ABCB7: variants seen among roughly 807,000 people sequenced by gnomAD.
ABCB7 encodes the protein ATP binding cassette subfamily B member 7, also known as iron-sulfur clusters transporter ABCB7, mitochondrial.
In ABCB7, 7 loss-of-function variants were observed where a neutral mutation model predicts 54.4. The ratio of observed to expected loss-of-function variants is 0.13; its 90% confidence interval spans 0.07 to 0.24. The LOEUF is 0.24. Among genes scored for constraint, ABCB7 ranks in the 10% least tolerant of loss-of-function variants. ABCB7 has a pLI of 1.00. For missense variants in ABCB7, 356 were observed against 570.4 expected (o/e 0.62, Z 3.83); for synonymous variants, 218 against 207.1 (o/e 1.05, Z -0.45).
At chrX:75,154,885 G>A (rs1004242632) in intron 1 of ABCB7, among the ~76,000 whole-genome samples, 2 of 111,799 alleles carry the variant, frequency 1.8e-5, no homozygotes, top group African/African-American at 6.5e-5. Flanking sequence ...CTGTAGAGGT[G>A]TTCAATAATT....
At chrX:75,063,327 C>T (rs1433315060) in intron 13 of ABCB7, among the ~76,000 whole-genome samples, 1 of 110,891 alleles carries the variant, frequency 9.0e-6, no homozygotes, top group African/African-American at 3.3e-5. Flanking sequence ...CTGACTATGT[C>T]CCTTTTGGCT....
intron 1 of ABCB7, among the ~76,000 whole-genome samples, chrX:75,115,203 G>A (rs1203138610): frequency 2.0e-5 from 2 of 98,330 alleles, no homozygotes; most frequent in African/African-American, 7.6e-5. Flanking sequence ...AGGAGGTGGA[G>A]GCTGCAGTGA....
intron 13 of ABCB7, among the ~76,000 whole-genome samples, chrX:75,063,655 GT>G (rs887934833): frequency 9.0e-6 from 1 of 111,243 alleles, no homozygotes; most frequent in Non-Finnish European, 1.9e-5. Context: ...GGAAGGACTA[GT>G]TTTGAAGTGC....
At chrX:75,064,312 C>T (rs1440272139) in intron 13 of ABCB7, among the ~76,000 whole-genome samples, 2 of 111,140 alleles carry the variant, frequency 1.8e-5, no homozygotes, top group Non-Finnish European at 3.8e-5. Flanking sequence ...AATGTGGATT[C>T]GTTAAAATTC....
At position 75,076,179 on chromosome X, in the gene ABCB7, T is replaced by C. The variant is rs536584513; in HGVS notation, c.586+343A>G. ...GTACATATATATTTTTATTTAGCTA[T>C]TTCCTATTTAATAGCTAACAATGCC... On this transcript the variant is annotated intron_variant, in intron 5 of 15. Coordinates refer to ENST00000373394, the MANE Select transcript of ABCB7 (RefSeq NM_001271696.3). Among the ~76,000 whole-genome samples, 7 of 112,291 alleles carry C rather than the reference T, an allele frequency of 6.2e-5. No individual in the cohort carries two copies. The South Asian group carries it at 2.6e-3, about 42-fold the overall frequency.
intron 1 of ABCB7, among the ~76,000 whole-genome samples, chrX:75,116,960 G>T (rs768991859): frequency 2.7e-5 from 3 of 111,073 alleles, no homozygotes; most frequent in Middle Eastern, 4.6e-3. Flanking sequence ...GGCGACATCA[G>T]GAAGTTACCC....
chrX:75,127,902 G>A (rs1442776993), intron 1 of ABCB7, among the ~76,000 whole-genome samples: 1 of 111,838 alleles, frequency 8.9e-6, no homozygotes, highest in Non-Finnish European at 1.9e-5. Flanking sequence ...GGATGTGAAG[G>A]ACCTCTTCAA....
chrX:75,114,669 T>G, intron 2 of ABCB7, 85 bp downstream of exon 2: 1 of 790,339 alleles, frequency 1.3e-6, no homozygotes, highest in East Asian at 3.9e-5. Flanking sequence ...AAGGGAGATG[T>G]AAAATATGTA....
intron 5 of ABCB7, among the ~76,000 whole-genome samples, chrX:75,075,862 G>T (rs922186867): frequency 5.4e-5 from 6 of 111,957 alleles, no homozygotes; most frequent in Admixed American, 1.9e-4. Flanking sequence ...GACATTAAAA[G>T]ATATTTTTTC....
intron 1 of ABCB7, among the ~76,000 whole-genome samples, chrX:75,154,717 C>T (rs891067894): frequency 1.2e-4 from 13 of 111,997 alleles, no homozygotes; most frequent in African/African-American, 3.9e-4. Context: ...ATCTTCACTA[C>T]CTTACAATTA....
At chrX:75,102,280 C>T (rs765948553) in intron 3 of ABCB7, among the ~76,000 whole-genome samples, 1 of 110,828 alleles carries the variant, frequency 9.0e-6, no homozygotes, top group Non-Finnish European at 1.9e-5. Context: ...TTAAAACTTA[C>T]ACCTTTTATC....
chrX:75,151,907 T>C (rs1197320756), intron 1 of ABCB7, among the ~76,000 whole-genome samples: 1 of 112,000 alleles, frequency 8.9e-6, no homozygotes, highest in African/African-American at 3.3e-5. Context: ...GTCATCTGTA[T>C]TTTCTTTACA....
intron 1 of ABCB7, among the ~76,000 whole-genome samples, chrX:75,119,864 C>T (rs2081859649): frequency 8.9e-6 from 1 of 111,840 alleles, no homozygotes; most frequent in South Asian, 3.7e-4. Flanking sequence ...TTTTAATATC[C>T]ACAGACAATT....
chrX:75,104,368 C>G (rs1041670991), intron 3 of ABCB7, among the ~76,000 whole-genome samples: 2 of 108,961 alleles, frequency 1.8e-5, no homozygotes. Context: ...GACGTTACAA[C>G]TGATACCACA....
intron 12 of ABCB7, among the ~76,000 whole-genome samples, chrX:75,066,812 A>C (rs1253844246): frequency 9.0e-6 from 1 of 111,028 alleles, no homozygotes; most frequent in African/African-American, 3.3e-5. Context: ...TTTGCTTGCT[A>C]TCCTCCTTTT....
intron 14 of ABCB7, among the ~76,000 whole-genome samples, chrX:75,060,828 T>C (rs1364454558): frequency 9.0e-6 from 1 of 111,717 alleles, no homozygotes; most frequent in Admixed American, 9.5e-5. Context: ...CAATGATAAC[T>C]GTATATTTTT....
At position 75,053,278 on chromosome X, in the gene ABCB7, A is replaced by G; in HGVS notation, c.*92T>C. ...CTTATCTAAAAGAAGGATTATAGAA[A>G]ATGGGAATGTATGATTTTTTTAATA... is the stretch of plus-strand genomic sequence containing the variant. On this transcript the variant is annotated 3_prime_UTR_variant, in exon 16 of 16. Transcript: ENST00000373394. The G allele has an allele frequency of 1.9e-6, 2 of 1,078,958 alleles. No individual in the cohort carries two copies. Among genetic ancestry groups the G allele is most frequent in the African/African-American group, 3.7e-5 (2 of 54,403 alleles). The allele number at this position is 1,078,958 out of a possible 1,213,427, so 88.9% of individuals were successfully genotyped here. A position where few individuals can be genotyped will look rare whatever the true frequency, so the allele number is the denominator to read the frequency against.
At chrX:75,093,103 AC>A (rs950727596) in intron 4 of ABCB7, among the ~76,000 whole-genome samples, 1 of 112,070 alleles carries the variant, frequency 8.9e-6, no homozygotes, top group African/African-American at 3.2e-5. Flanking sequence ...CCACACAAAA[AC>A]CTGCACACAA....
At chrX:75,114,709 A>G (rs1162546398) in intron 2 of ABCB7, 45 bp downstream of exon 2, 5 of 1,103,178 alleles carry the variant, frequency 4.5e-6, no homozygotes, top group Non-Finnish European at 6.2e-6. Context: ...CCAAGGGTTT[A>G]CAGGTTTTTC....
Sources: gnomAD v4.1 joint callset for allele counts (sites outside exome capture counted in the v4.1 genomes callset) on GRCh38, gnomAD v4.1.1 for gene constraint, MANE v1.5 for transcripts, NCBI Gene and HGNC (gene_info 2026-07-23, HGNC 2026-07-21) for gene names.